DCC: variants seen among roughly 807,000 people sequenced by gnomAD.
DCC encodes the protein netrin receptor DCC.
Under a neutral mutation model 172.5 loss-of-function variants are expected in DCC, and 58 were observed. The observed-to-expected ratio is 0.34, with a 90% CI of 0.27 to 0.42. The LOEUF (loss-of-function observed/expected upper bound fraction) is 0.42. DCC is among the 10% of genes least tolerant of loss of function. The pLI, the probability that DCC is intolerant of heterozygous loss-of-function variation, is 1.00. For synonymous variants in DCC, 709 were observed against 644.5 expected (o/e 1.10, Z -1.52); for missense variants, 1,740 against 1,791.0 (o/e 0.97, Z 0.51).
At chr18:52,844,465 A>G (rs1412167405) in intron 2 of DCC, among the ~76,000 whole-genome samples, 1 of 152,152 alleles carries the variant, frequency 6.6e-6, no homozygotes, top group Non-Finnish European at 1.5e-5. Context: ...TTTTCCACAC[A>G]CATAGTAATT....
intron 5 of DCC, among the ~76,000 whole-genome samples, chr18:52,932,769 G>A (rs538925638): frequency 5.3e-5 from 8 of 151,942 alleles, no homozygotes; most frequent in Admixed American, 2.6e-4. Flanking sequence ...ACATACACAC[G>A]TATATTTTTG....
At chr18:53,210,192 C>T (rs1024575066) in intron 11 of DCC, among the ~76,000 whole-genome samples, 2 of 152,160 alleles carry the variant, frequency 1.3e-5, no homozygotes, top group Non-Finnish European at 2.9e-5. Flanking sequence ...TCCTTTCTGT[C>T]TACTTCAATC....
chr18:53,197,918 G>A lies in DCC; in HGVS notation c.1574-7298G>A, dbSNP rs1021932659. ...CTATGTGACTTCTTGATTATCAGGA[G>A]CCCCAACATCCTATAAAACCTAAAA... On this transcript the variant is annotated intron_variant, in intron 9 of 28. Transcript: ENST00000442544. Among the ~76,000 whole-genome samples the A allele has an allele frequency of 2.6e-5, 4 of 152,016 alleles. No individual in the cohort carries two copies. The East Asian group carries it at 5.8e-4, about 22-fold the overall frequency.
intron 1 of DCC, among the ~76,000 whole-genome samples, chr18:52,504,763 G>A (rs955369871): frequency 1.5e-4 from 23 of 151,114 alleles, no homozygotes; most frequent in Non-Finnish European, 7.4e-5. Flanking sequence ...CTACCTTTGT[G>A]CCGCCCCTCC....
At chr18:53,310,131 T>C (rs992312194) in intron 13 of DCC, among the ~76,000 whole-genome samples, 1 of 151,998 alleles carries the variant, frequency 6.6e-6, no homozygotes, top group Non-Finnish European at 1.5e-5. Flanking sequence ...TTGCTAGATA[T>C]TATGGGAATA....
intron 22 of DCC, among the ~76,000 whole-genome samples, chr18:53,440,619 A>G (rs762291890): frequency 6.6e-5 from 10 of 152,128 alleles, no homozygotes; most frequent in African/African-American, 2.2e-4. Context: ...AAGACACCCA[A>G]TGCTACACTC....
chr18:52,702,903 G>A (rs1481095189), intron 1 of DCC, among the ~76,000 whole-genome samples: 2 of 151,864 alleles, frequency 1.3e-5, no homozygotes, highest in South Asian at 2.1e-4. Context: ...GGTCATTTTC[G>A]GCTCCTATTT....
At chr18:52,734,687 A>G (rs1050449557) in intron 1 of DCC, among the ~76,000 whole-genome samples, 1 of 151,932 alleles carries the variant, frequency 6.6e-6, no homozygotes, top group Non-Finnish European at 1.5e-5. Context: ...AAAAATGTTC[A>G]CTCCTTTTCC....
intron 21 of DCC, among the ~76,000 whole-genome samples, chr18:53,433,172 T>C (rs549399787): frequency 6.6e-6 from 1 of 152,266 alleles, no homozygotes; most frequent in East Asian, 1.9e-4. Flanking sequence ...AGAGTTCCTT[T>C]ATCTCACCCA....
At chr18:53,424,119 G>A (rs1347582780) in intron 21 of DCC, among the ~76,000 whole-genome samples, 1 of 152,182 alleles carries the variant, frequency 6.6e-6, no homozygotes, top group African/African-American at 2.4e-5. Context: ...AGTTACATTT[G>A]TAGATGGCTA....
chr18:53,508,501 A>AT (rs1409872894), intron 27 of DCC, among the ~76,000 whole-genome samples: 1 of 152,312 alleles, frequency 6.6e-6, no homozygotes, highest in South Asian at 2.1e-4. Flanking sequence ...CTAAGACTGC[A>AT]TTTTTTTAAA....
intron 5 of DCC, among the ~76,000 whole-genome samples, chr18:52,963,043 C>T (rs1598975538): frequency 1.3e-5 from 2 of 151,468 alleles, no homozygotes. Flanking sequence ...CAACATGGCA[C>T]ATGTATACAT....
chr18:53,051,870 T>C (rs924243622), intron 5 of DCC, among the ~76,000 whole-genome samples: 2 of 152,148 alleles, frequency 1.3e-5, no homozygotes, highest in African/African-American at 4.8e-5. Flanking sequence ...AGTCTTTCAA[T>C]CTGAAAATTT....
At chr18:52,381,513 C>T (rs963040019) in intron 1 of DCC, among the ~76,000 whole-genome samples, 2 of 152,084 alleles carry the variant, frequency 1.3e-5, no homozygotes, top group African/African-American at 4.8e-5. Flanking sequence ...ATTGAGGAAC[C>T]TGACCCAGCT....
At chr18:53,520,594 C>T (rs773543921) in intron 27 of DCC, among the ~76,000 whole-genome samples, 1 of 151,996 alleles carries the variant, frequency 6.6e-6, no homozygotes, top group Non-Finnish European at 1.5e-5. Flanking sequence ...GGAAAAAGCA[C>T]TGCTTGGTGA....
intron 9 of DCC, among the ~76,000 whole-genome samples, chr18:53,198,642 G>A (rs1174653022): frequency 6.6e-6 from 1 of 152,036 alleles, no homozygotes; most frequent in African/African-American, 2.4e-5. Context: ...AGAAATTACT[G>A]TTCCCAGTGC....
intron 1 of DCC, among the ~76,000 whole-genome samples, chr18:52,449,184 G>A (rs539358132): frequency 2.4e-4 from 36 of 152,270 alleles, no homozygotes; most frequent in Admixed American, 3.9e-4. Context: ...TCACTATCAC[G>A]AGAACAGCAT....
intron 2 of DCC, among the ~76,000 whole-genome samples, chr18:52,832,738 C>T (rs1188452936): frequency 6.6e-6 from 1 of 152,052 alleles, no homozygotes; most frequent in Non-Finnish European, 1.5e-5. Flanking sequence ...AACTTCATTG[C>T]CCTTTTATTG....
At chr18:53,150,276 G>T (rs1330352206) in intron 7 of DCC, among the ~76,000 whole-genome samples, 2 of 152,162 alleles carry the variant, frequency 1.3e-5, no homozygotes, top group African/African-American at 4.8e-5. Flanking sequence ...TGGCAGTAAT[G>T]CTCAGTCTTC....
Sources: gnomAD v4.1 joint callset for allele counts (sites outside exome capture counted in the v4.1 genomes callset) on GRCh38, gnomAD v4.1.1 for gene constraint, MANE v1.5 for transcripts, NCBI Gene and HGNC (gene_info 2026-07-23, HGNC 2026-07-21) for gene names.